Variants in TTC7B observed in about 807,000 individuals in gnomAD.
TTC7B encodes the protein tetratricopeptide repeat domain 7B.
In TTC7B, 28 loss-of-function variants were observed where a neutral mutation model predicts 106.8. The observed-to-expected ratio is 0.26, with a 90% CI of 0.19 to 0.36. The LOEUF is 0.36. Among genes scored for constraint, TTC7B ranks in the 10% least tolerant of loss-of-function variants. TTC7B has a pLI of 1.00. For missense variants in TTC7B, 862 were observed against 1,076.4 expected (o/e 0.80, Z 2.79); for synonymous variants, 405 against 430.6 (o/e 0.94, Z 0.74).
intron 5 of TTC7B, 66 bp downstream of exon 5, chr14:90,730,009 C>G: frequency 6.8e-7 from 1 of 1,478,568 alleles, no homozygotes; most frequent in Non-Finnish European, 9.1e-7. Context: ...AAACTGGAGA[C>G]AGCATTGTAA....
rs1226944841 is a variant in TTC7B at position 90,570,963 on chromosome 14, C to T, written c.2310+7143G>A. Among the ~76,000 whole-genome samples, 2 of 152,170 alleles carry T rather than the reference C, an allele frequency of 1.3e-5. No individual in the cohort carries two copies. The highest frequency in any genetic ancestry group is 4.8e-5 in the African/African-American group (2 of 41,454). On this transcript the variant is annotated intron_variant, in intron 19 of 19. Transcript: ENST00000328459. This position sits in a 1 kb window ranked among gnomAD's most constrained non-coding sequence, Gnocchi z 4.0. ...GCAGCTGGCGCCAGCACCGTGCTCC[C>T]GATCTTTCCACCGCCTGTCACTGAA...
chr14:90,643,657 A>C (rs999069680), intron 15 of TTC7B, among the ~76,000 whole-genome samples: 1 of 151,992 alleles, frequency 6.6e-6, no homozygotes, highest in African/African-American at 2.4e-5. Flanking sequence ...ATCTCCACTG[A>C]CTGCAACCTC....
intron 5 of TTC7B, among the ~76,000 whole-genome samples, chr14:90,720,467 T>C (rs928611805): frequency 6.6e-6 from 1 of 152,198 alleles, no homozygotes; most frequent in Admixed American, 6.5e-5. Flanking sequence ...TGATAAACAC[T>C]GGTAGAACAA....
intron 4 of TTC7B, among the ~76,000 whole-genome samples, chr14:90,738,136 T>C (rs1889617739): frequency 6.6e-6 from 1 of 152,174 alleles, no homozygotes; most frequent in African/African-American, 2.4e-5. Context: ...AACTAGTATA[T>C]ACTACTAGTA....
At chr14:90,708,445 A>T (rs781680274) in intron 5 of TTC7B, among the ~76,000 whole-genome samples, 2 of 152,222 alleles carry the variant, frequency 1.3e-5, no homozygotes, top group Non-Finnish European at 2.9e-5. Context: ...ACCATTTTGA[A>T]AATCCTAGGG....
intron 9 of TTC7B, among the ~76,000 whole-genome samples, chr14:90,671,800 C>T (rs1886643899): frequency 6.6e-6 from 1 of 152,140 alleles, no homozygotes; most frequent in Non-Finnish European, 1.5e-5. Flanking sequence ...GCTGAAAAGT[C>T]CATAAGGAAA....
intron 1 of TTC7B, among the ~76,000 whole-genome samples, chr14:90,813,883 G>C (rs560400332): frequency 1.3e-5 from 2 of 152,204 alleles, no homozygotes; most frequent in Non-Finnish European, 2.9e-5. Flanking sequence ...ACCAGCCCGA[G>C]AGTGGGAAGG....
At chr14:90,766,933 C>T (rs761968439) in intron 3 of TTC7B, 53 of 1,517,462 alleles carry the variant, frequency 3.5e-5, no homozygotes, top group Non-Finnish European at 4.2e-5. Flanking sequence ...CCAAAGTCAG[C>T]ACACCAAGAC....
intron 5 of TTC7B, among the ~76,000 whole-genome samples, chr14:90,707,870 G>A (rs1377428829): frequency 6.6e-6 from 1 of 152,080 alleles, no homozygotes; most frequent in Non-Finnish European, 1.5e-5. Flanking sequence ...AAGGTGGAAA[G>A]GTGTGGTGGC....
At chr14:90,764,013 G>A (rs1890592497) in intron 3 of TTC7B, among the ~76,000 whole-genome samples, 1 of 152,012 alleles carries the variant, frequency 6.6e-6, no homozygotes, top group African/African-American at 2.4e-5. Context: ...AAAAAATCTT[G>A]TAAAAGAAGA....
intron 14 of TTC7B, among the ~76,000 whole-genome samples, chr14:90,645,562 G>A (rs377520800): frequency 1.3e-5 from 2 of 152,332 alleles, no homozygotes. Flanking sequence ...CACAAAGGCT[G>A]CTGCCACACC....
intron 15 of TTC7B, among the ~76,000 whole-genome samples, chr14:90,630,357 G>C (rs1001984084): frequency 1.3e-5 from 2 of 152,252 alleles, no homozygotes; most frequent in South Asian, 2.1e-4. Context: ...CATTGGCTCC[G>C]TGATGCAGAG....
intron 3 of TTC7B, among the ~76,000 whole-genome samples, chr14:90,776,139 T>TCACACACA (rs1490591555): frequency 1.8e-4 from 15 of 84,442 alleles, no homozygotes; most frequent in South Asian, 4.0e-4. Flanking sequence ...GGGCCCCCCG[T>TCACACACA]GACACACACA....
chr14:90,710,728 G>A (rs1036195725), intron 5 of TTC7B, among the ~76,000 whole-genome samples: 6 of 152,176 alleles, frequency 3.9e-5, no homozygotes, highest in Admixed American at 6.5e-5. Context: ...ACGCTCAGAC[G>A]ACTGAGCATT....
chr14:90,610,751 G>A lies in TTC7B; in HGVS notation c.1957C>T (p.Pro653Ser), dbSNP rs745424595. 3 of 1,612,422 alleles carry A rather than the reference G, an allele frequency of 1.9e-6. No homozygotes were observed. ...NTITLPDFSD[P>S]ETGSVHATSV... ...GGCTTTTTATTCTCACCTGTCTCGG[G>A]ATCGCTGAAGTCTGGCAAAGTAATT... Residue 653 changes from proline to serine, a missense_variant, in exon 17 of 20, where the codon CCC becomes TCC. Coordinates refer to ENST00000328459, the MANE Select transcript of TTC7B (RefSeq NM_001010854.2).
chr14:90,559,915 C>T (rs544805501), intron 19 of TTC7B, among the ~76,000 whole-genome samples: 22 of 152,316 alleles, frequency 1.4e-4, no homozygotes, highest in South Asian at 1.2e-3. Flanking sequence ...CTCCACAACG[C>T]GCGCTCCCCC....
At chr14:90,776,849 ACCCTGGGCAAGTTTACCTAACCT>A (rs1443626588) in intron 3 of TTC7B, among the ~76,000 whole-genome samples, 1 of 152,122 alleles carries the variant, frequency 6.6e-6, no homozygotes, top group Admixed American at 6.5e-5. Context: ...TAGCTGTAGG[ACCCTGGGCAAGTTTACCTAACCT>A]CCCTGTGCCC....
At chr14:90,755,532 A>G (rs933630288) in intron 3 of TTC7B, among the ~76,000 whole-genome samples, 1 of 152,164 alleles carries the variant, frequency 6.6e-6, no homozygotes, top group Non-Finnish European at 1.5e-5. Context: ...GGTAGTGCAC[A>G]CATGTAGTCC....
intron 19 of TTC7B, among the ~76,000 whole-genome samples, chr14:90,551,157 G>T (rs987686649): frequency 2.0e-5 from 3 of 152,200 alleles, no homozygotes; most frequent in Non-Finnish European, 4.4e-5. Context: ...GGGCCAGAGA[G>T]GAGAACAGCC....
Sources: allele counts gnomAD v4.1 joint callset (sites outside exome capture counted in the v4.1 genomes callset), GRCh38; gene constraint gnomAD v4.1.1; non-coding constraint Gnocchi (gnomAD v3.1); transcripts MANE v1.5; gene names NCBI Gene and HGNC (gene_info 2026-07-23, HGNC 2026-07-21).